The following TESC variants were observed in gnomAD, a reference collection of about 807,000 sequenced individuals.
TESC encodes tescalcin, also known as calcineurin B homologous protein 3.
TESC carries 19 observed loss-of-function variants against 31.0 expected under a neutral mutation model. The observed-to-expected ratio is 0.61, with a 90% CI of 0.43 to 0.90. The LOEUF (loss-of-function observed/expected upper bound fraction) is 0.90. Among genes scored for constraint, TESC ranks in the 40% least tolerant of loss-of-function variants. TESC has a pLI of 0.00. For missense variants in TESC, 248 were observed against 303.8 expected (o/e 0.82, Z 1.36); for synonymous variants, 109 against 114.8 (o/e 0.95, Z 0.32).
chr12:117,075,128 G>A (rs1363962421), intron 2 of TESC, 143 bp downstream of exon 2: 9 of 826,448 alleles, frequency 1.1e-5, no homozygotes, highest in Admixed American at 2.8e-5. Context: ...CCTGGGCGAC[G>A]GAGCGAGACT....
chr12:117,067,570 C>T (rs1954905423), intron 2 of TESC, among the ~76,000 whole-genome samples: 1 of 152,098 alleles, frequency 6.6e-6, no homozygotes, highest in Non-Finnish European at 1.5e-5. Context: ...AGATCTTGCT[C>T]CCATCCCCTC....
chr12:117,085,819 G>A (rs906404102), intron 1 of TESC, among the ~76,000 whole-genome samples: 6 of 152,212 alleles, frequency 3.9e-5, no homozygotes, highest in African/African-American at 1.4e-4. Context: ...CCGTGATACA[G>A]AGGTGACAAC....
intron 1 of TESC, among the ~76,000 whole-genome samples, chr12:117,089,162 A>G (rs1448897913): frequency 6.6e-6 from 1 of 152,196 alleles, no homozygotes; most frequent in Non-Finnish European, 1.5e-5. Context: ...AATGAATCCA[A>G]ACTCCAAGAC....
chr12:117,048,922 AC>A, intron 4 of TESC, 96 bp downstream of exon 4: 1 of 1,581,460 alleles, frequency 6.3e-7, no homozygotes, highest in Non-Finnish European at 8.6e-7. Context: ...GCCAATGCAC[AC>A]CCAGCCTCCT....
intron 1 of TESC, among the ~76,000 whole-genome samples, chr12:117,077,089 C>T (rs1187647131): frequency 6.6e-6 from 1 of 152,204 alleles, no homozygotes. Context: ...GGTCACCTCA[C>T]TTCCTGCTCA....
rs999273296 is a variant in TESC at position 117,099,322 on chromosome 12, A to G, written c.-40T>C. The G allele has an allele frequency of 5.9e-5, 83 of 1,411,716 alleles. No individual in the cohort carries two copies. The highest frequency in any genetic ancestry group is 6.6e-5 in the Non-Finnish European group (72 of 1,087,838). 87.4% of individuals were successfully genotyped at this position (1,411,716 alleles called of 1,614,324 possible). A position where few individuals can be genotyped will look rare whatever the true frequency, so the allele number is the denominator to read the frequency against. ...GGGCCCCGGGGCGCGCGTCCCTCTCAGGCCCCGCACTGGCTTCGGCTGCGC... is the reference window on the plus strand; with the variant it reads ...GGGCCCCGGGGCGCGCGTCCCTCTCGGGCCCCGCACTGGCTTCGGCTGCGC... On this transcript the variant is annotated 5_prime_UTR_variant, in exon 1 of 8. Coordinates refer to ENST00000335209, the MANE Select transcript of TESC (RefSeq NM_017899.4).
chr12:117,075,893 ATATATATATATATATATATATGTGTG>A (rs1955057316), intron 1 of TESC, among the ~76,000 whole-genome samples: 2 of 82,150 alleles, frequency 2.4e-5, no homozygotes, highest in African/African-American at 1.4e-4. Flanking sequence ...ATATATATAT[ATATATATATATATATATATATGTGTG>A]TGTGTATATA....
chr12:117,054,526 C>CT (rs1193270987), intron 3 of TESC, among the ~76,000 whole-genome samples: 3 of 152,152 alleles, frequency 2.0e-5, no homozygotes, highest in African/African-American at 7.2e-5. Context: ...CTGGAACCTT[C>CT]TCTCCCTGCT....
chr12:117,083,018 A>G (rs904208808), intron 1 of TESC, among the ~76,000 whole-genome samples: 9 of 152,230 alleles, frequency 5.9e-5, no homozygotes, highest in African/African-American at 1.9e-4. Flanking sequence ...CACCGTGGAA[A>G]ACAGTTTGGT....
intron 2 of TESC, among the ~76,000 whole-genome samples, chr12:117,057,765 T>TG: frequency 6.6e-6 from 1 of 152,046 alleles, no homozygotes; most frequent in Non-Finnish European, 1.5e-5. Context: ...AATGGAGTTT[T>TG]TTTGTTTGTT....
chr12:117,079,333 G>A (rs1955114501), intron 1 of TESC, among the ~76,000 whole-genome samples: 1 of 151,944 alleles, frequency 6.6e-6, no homozygotes, highest in Non-Finnish European at 1.5e-5. Flanking sequence ...GGGCTGAGGC[G>A]GGTGGATCAC....
chr12:117,078,380 C>T (rs1246166945), intron 1 of TESC, among the ~76,000 whole-genome samples: 2 of 152,100 alleles, frequency 1.3e-5, no homozygotes, highest in Non-Finnish European at 2.9e-5. Flanking sequence ...GCAGGAGAAT[C>T]GCTTGAGCCC....
At chr12:117,098,847 G>C (rs1172774992) in intron 1 of TESC, among the ~76,000 whole-genome samples, 2 of 151,732 alleles carry the variant, frequency 1.3e-5, no homozygotes, top group African/African-American at 4.8e-5. Context: ...TCGCGCTCAC[G>C]AATGCAAACG....
intron 2 of TESC, among the ~76,000 whole-genome samples, chr12:117,059,679 G>A (rs527858200): frequency 1.3e-4 from 20 of 152,102 alleles, no homozygotes; most frequent in Non-Finnish European, 2.1e-4. Context: ...TGCAATCTCC[G>A]CCTCCCGGGT....
intron 7 of TESC, among the ~76,000 whole-genome samples, chr12:117,041,037 G>A (rs1954476413): frequency 6.6e-6 from 1 of 152,100 alleles, no homozygotes; most frequent in Non-Finnish European, 1.5e-5. Flanking sequence ...GGGGATGGGG[G>A]GAGGGGGATG....
intron 2 of TESC, among the ~76,000 whole-genome samples, chr12:117,061,291 G>A (rs1040514879): frequency 4.7e-4 from 71 of 152,238 alleles, no homozygotes; most frequent in Middle Eastern, 3.4e-3. Context: ...TTTGCTGAGC[G>A]AATAATGAAG....
At chr12:117,071,954 C>T (rs1223933349) in intron 2 of TESC, among the ~76,000 whole-genome samples, 2 of 152,178 alleles carry the variant, frequency 1.3e-5, no homozygotes, top group Non-Finnish European at 2.9e-5. Flanking sequence ...ACTGCAGAAG[C>T]AAAACCTGCA....
chr12:117,075,090 G>A (rs1955028989), intron 2 of TESC, among the ~76,000 whole-genome samples, 181 bp downstream of exon 2: 1 of 152,176 alleles, frequency 6.6e-6, no homozygotes. Flanking sequence ...AGCTTGCAGT[G>A]AGCCGAGACA....
chr12:117,073,199 A>G lies in TESC; in HGVS notation c.128+2072T>C, dbSNP rs539879933. ...CCATCCCTGTCCTTGGAGGAAACTG[A>G]CCCCAGGCCCCATGCCCTTATAGCT... On this transcript the variant is annotated intron_variant, in intron 2 of 7. Transcript: ENST00000335209. Among the ~76,000 whole-genome samples the G allele has an allele frequency of 3.3e-5, 5 of 151,950 alleles. No individual in the cohort carries two copies. In the East Asian group the frequency reaches 9.7e-4, roughly 29 times the overall value.
Sources: allele counts gnomAD v4.1 joint callset (sites outside exome capture counted in the v4.1 genomes callset), GRCh38; gene constraint gnomAD v4.1.1; transcripts MANE v1.5; gene names NCBI Gene and HGNC (gene_info 2026-07-23, HGNC 2026-07-21).